The following GCSAML variants were observed in gnomAD, a reference collection of about 807,000 sequenced individuals.
GCSAML encodes germinal center-associated signaling and motility-like protein.
In GCSAML, 9 loss-of-function variants were observed where a neutral mutation model predicts 13.0. The ratio of observed to expected loss-of-function variants is 0.69; its 90% CI spans 0.42 to 1.21. The LOEUF is 1.21. Among genes scored for constraint, GCSAML ranks in the 50% most tolerant of loss-of-function variants. The probability of loss-of-function intolerance (pLI) is 0.00; values close to 1 mark genes in which losing one functional copy is unlikely to be tolerated. For missense variants in GCSAML, 143 were observed against 153.4 expected, an observed-to-expected ratio of 0.93 and a Z score of 0.36; for synonymous variants, 37 against 52.9, an observed-to-expected ratio of 0.70 and a Z score of 1.31.
chr1:247,547,742 G>T (rs1029166852), upstream of GCSAML, among the ~76,000 whole-genome samples: 12 of 152,148 alleles, frequency 7.9e-5, no homozygotes, highest in Non-Finnish European at 1.6e-4. Context: ...CCGCTCCATG[G>T]ATTGGCTGGA....
chr1:247,532,863 A>G (rs1667049779), intron 2 of GCSAML, among the ~76,000 whole-genome samples: 2 of 55,164 alleles, frequency 3.6e-5, no homozygotes, highest in Admixed American at 4.3e-4. Context: ...ACTGTATAAT[A>G]AAAGACTGGG....
intron 1 of GCSAML, among the ~76,000 whole-genome samples, chr1:247,515,956 T>A (rs2037873): frequency 6.6e-6 from 1 of 152,132 alleles, no homozygotes; most frequent in African/African-American, 2.4e-5. Context: ...GATAAGACTC[T>A]TATCTGTTGG....
intron 1 of GCSAML, among the ~76,000 whole-genome samples, chr1:247,550,509 C>T (rs1035669677): frequency 2.0e-5 from 3 of 152,058 alleles, no homozygotes; most frequent in Non-Finnish European, 4.4e-5. Flanking sequence ...TGGTGGTGGG[C>T]ACCTGTAATC....
chr1:247,538,468 G>A (rs1667297147), intron 2 of GCSAML, among the ~76,000 whole-genome samples: 1 of 152,060 alleles, frequency 6.6e-6, no homozygotes, highest in Non-Finnish European at 1.5e-5. Flanking sequence ...ACTGAATTGT[G>A]CCCTACACCC....
At position 247,576,821 on chromosome 1, in the gene GCSAML, G is replaced by GA. The variant is rs1668856471; in HGVS notation, c.*2443dup. ...TCCTGTAGATATTAGCCAATTTTAGGAAAATGACAAAATTTTTTACTTTTC... is the reference window on the plus strand; with the variant it reads ...TCCTGTAGATATTAGCCAATTTTAGGAAAAATGACAAAATTTTTTACTTTTC... On this transcript the variant is annotated 3_prime_UTR_variant, in exon 5 of 5. Transcript: ENST00000366488. 1 of 152,100 alleles carries GA rather than the reference G, an allele frequency of 6.6e-6. No individual in the cohort carries two copies. Among genetic ancestry groups the GA allele is most frequent in the Non-Finnish European group, 1.5e-5 (1 of 68,018 alleles). 9.4% of individuals were successfully genotyped at this position (152,100 alleles called of 1,614,324 possible). A position where few individuals can be genotyped will look rare whatever the true frequency, so the allele number is the denominator to read the frequency against.
Position 247,563,927 on chromosome 1 carries a change from G to A in GCSAML, c.139+288G>A, listed in dbSNP as rs1168553955. 2.6e-5 allele frequency among the ~76,000 whole-genome samples: 4 copies of A among 151,734 alleles called. No individual in the cohort carries two copies. In the East Asian group the frequency reaches 5.8e-4, roughly 22 times the overall value. The stretch of plus-strand genomic sequence containing the variant: ...ATAGGGCCTTTGAATATTAGCAGGC[G>A]ATAAGAAGTGTATTTTTTTTTTTGA... On this transcript the variant is annotated intron_variant, in intron 3 of 4. Transcript: ENST00000366488.
At chr1:247,521,748 C>T (rs1028252100) in intron 1 of GCSAML, among the ~76,000 whole-genome samples, 5 of 152,200 alleles carry the variant, frequency 3.3e-5, no homozygotes, top group African/African-American at 4.8e-5. Flanking sequence ...ACCTCCCAGC[C>T]GCCTGCCTTG....
intron 2 of GCSAML, among the ~76,000 whole-genome samples, chr1:247,559,891 C>T (rs565241078): frequency 6.6e-6 from 1 of 152,264 alleles, no homozygotes; most frequent in South Asian, 2.1e-4. Flanking sequence ...AATCTTATGA[C>T]CTTGTTTTAA....
chr1:247,525,858 G>C (rs1666661874), intron 1 of GCSAML: 1 of 152,208 alleles, frequency 6.6e-6, no homozygotes, highest in Non-Finnish European at 1.5e-5. Context: ...GGGACTACTA[G>C]CCATTTGTCA....
upstream of GCSAML, among the ~76,000 whole-genome samples, chr1:247,545,310 C>T (rs1289440432): frequency 6.6e-6 from 1 of 152,188 alleles, no homozygotes; most frequent in African/African-American, 2.4e-5. Flanking sequence ...GTGGGCAACT[C>T]CTGTTGTAGA....
chr1:247,539,713 C>T (rs914742929), intron 2 of GCSAML, among the ~76,000 whole-genome samples: 5 of 151,858 alleles, frequency 3.3e-5, no homozygotes, highest in African/African-American at 1.2e-4. Flanking sequence ...CACATATAAT[C>T]TGTCAGCAAA....
At position 247,511,125 on chromosome 1, in the gene GCSAML, T is replaced by C. The variant is rs2103295908; in HGVS notation, c.-263+3892T>C. 5.3e-5 allele frequency among the ~76,000 whole-genome samples: 8 copies of C among 151,926 alleles called. No homozygotes were observed. In the South Asian group the frequency reaches 1.7e-3, roughly 32 times the overall value. On this transcript the variant is annotated intron_variant, in intron 1 of 5. Coordinates refer to the GCSAML transcript ENST00000366489. Reference sequence around the variant, plus strand: ...CTCCCCAGTTTATTGTGTGGGAGTCTAAGTCTCTTATTATTGTGTGGGAGT... The same window carrying C: ...CTCCCCAGTTTATTGTGTGGGAGTCCAAGTCTCTTATTATTGTGTGGGAGT...
At chr1:247,562,972 T>G (rs936615559) in intron 2 of GCSAML, among the ~76,000 whole-genome samples, 7 of 151,482 alleles carry the variant, frequency 4.6e-5, no homozygotes, top group African/African-American at 1.7e-4. Context: ...CCCGAGTAGT[T>G]GGGACTACAA....
At chr1:247,563,006 ATTT>A (rs35205676) in intron 2 of GCSAML, among the ~76,000 whole-genome samples, 1 of 134,646 alleles carries the variant, frequency 7.4e-6, no homozygotes, top group Non-Finnish European at 1.6e-5. Context: ...TACCCAGCTC[ATTT>A]TTTTTTTTTT....
At chr1:247,533,087 T>C (rs1667070193) in intron 2 of GCSAML, among the ~76,000 whole-genome samples, 1 of 152,120 alleles carries the variant, frequency 6.6e-6, no homozygotes, top group Non-Finnish European at 1.5e-5. Flanking sequence ...ATCTGCAAGT[T>C]TTTGCTGTCG....
upstream of GCSAML, among the ~76,000 whole-genome samples, chr1:247,547,715 G>A (rs1281809319): frequency 3.3e-5 from 5 of 152,150 alleles, no homozygotes; most frequent in South Asian, 4.1e-4. Context: ...GGCGGAACAC[G>A]CTTCTTAGTG....
intron 4 of GCSAML, among the ~76,000 whole-genome samples, chr1:247,566,292 G>A (rs1227866911): frequency 2.6e-5 from 4 of 151,752 alleles, no homozygotes. Context: ...ATCCAGGCTG[G>A]GGTGCAGTGG....
upstream of GCSAML, among the ~76,000 whole-genome samples, chr1:247,544,161 G>A (rs933816554): frequency 1.3e-5 from 2 of 152,146 alleles, no homozygotes; most frequent in Non-Finnish European, 2.9e-5. Flanking sequence ...AGCTCATGAT[G>A]GCTGTGCTGA....
intron 4 of GCSAML, 31 bp downstream of exon 4, chr1:247,565,990 A>C: frequency 6.7e-7 from 1 of 1,498,932 alleles, no homozygotes; most frequent in Middle Eastern, 1.9e-4. Context: ...AAGACAAAAG[A>C]AAAACACAAA....
Sources: gnomAD v4.1 joint callset for allele counts (sites outside exome capture counted in the v4.1 genomes callset) on GRCh38, gnomAD v4.1.1 for gene constraint, MANE v1.5 for transcripts, NCBI Gene and HGNC (gene_info 2026-07-23, HGNC 2026-07-21) for gene names.